OIT3: variants seen among roughly 807,000 people sequenced by gnomAD.
The protein encoded by OIT3 is oncoprotein induced transcript 3.
OIT3 carries 41 observed loss-of-function variants against 52.2 expected under a neutral mutation model. That is an observed-to-expected ratio of 0.79 (90% CI 0.61 to 1.02). OIT3 has a LOEUF of 1.02. Among genes scored for constraint, OIT3 ranks in the 50% least tolerant of loss-of-function variants. The pLI, the probability that OIT3 is intolerant of heterozygous loss-of-function variation, is 0.00. For synonymous variants in OIT3, 244 were observed against 276.9 expected (o/e 0.88, Z 1.18); for missense variants, 634 against 715.5 (o/e 0.89, Z 1.30).
intron 6 of OIT3, among the ~76,000 whole-genome samples, chr10:72,917,432 A>G (rs1197225124): frequency 6.6e-6 from 1 of 152,136 alleles, no homozygotes; most frequent in Non-Finnish European, 1.5e-5. Flanking sequence ...ACATACTTAA[A>G]CCAAAGCAAA....
intron 5 of OIT3, 77 bp downstream of exon 5, chr10:72,911,916 C>T (rs1846031937): frequency 7.3e-7 from 1 of 1,363,446 alleles, no homozygotes; most frequent in Non-Finnish European, 1.0e-6. Flanking sequence ...GTCTTCCTCC[C>T]CCAAGTGTGT....
chr10:72,910,871 G>C (rs1429157755), intron 4 of OIT3, among the ~76,000 whole-genome samples: 2 of 152,154 alleles, frequency 1.3e-5, no homozygotes, highest in East Asian at 3.8e-4. Context: ...AGCCATGAAG[G>C]TAAATGAATG....
rs886865179 is a variant in OIT3, at chr10:72,932,540, C to G, written c.*16C>G. The G allele has an allele frequency of 1.3e-6, 2 of 1,577,536 alleles. No homozygotes were observed. The highest frequency in any genetic ancestry group is 1.7e-6 in the Non-Finnish European group (2 of 1,161,824). On this transcript the variant is annotated 3_prime_UTR_variant, in exon 9 of 9. Coordinates refer to ENST00000334011, the MANE Select transcript of OIT3 (RefSeq NM_152635.3). ...GGAGGACTAGTTCGTAGCCATACCT[C>G]GAGTCCCTGCATTGGACGGCTCTGC...
intron 6 of OIT3, among the ~76,000 whole-genome samples, chr10:72,914,987 T>G (rs893282504): frequency 6.6e-6 from 1 of 152,104 alleles, no homozygotes; most frequent in African/African-American, 2.4e-5. Context: ...TGCCTCAGCC[T>G]CCCAAGTAGC....
At chr10:72,925,089 T>A (rs1235781296) in intron 7 of OIT3, among the ~76,000 whole-genome samples, 1 of 124,140 alleles carries the variant, frequency 8.1e-6, no homozygotes, top group African/African-American at 3.3e-5. Context: ...CCAGCCTGGG[T>A]GACAAGAATG....
At chr10:72,922,004 A>G (rs1012140030) in intron 6 of OIT3, among the ~76,000 whole-genome samples, 5 of 152,100 alleles carry the variant, frequency 3.3e-5, no homozygotes, top group African/African-American at 1.2e-4. Context: ...AATGTTGAAT[A>G]TTGGCCCCCA....
At chr10:72,894,495 C>A (rs1845856481) in intron 1 of OIT3, among the ~76,000 whole-genome samples, 1 of 152,132 alleles carries the variant, frequency 6.6e-6, no homozygotes, top group South Asian at 2.1e-4. Flanking sequence ...AGAGAACCAT[C>A]CTTCTTGACA....
chr10:72,918,370 C>T (rs905266379), intron 6 of OIT3: 18 of 769,410 alleles, frequency 2.3e-5, no homozygotes, highest in African/African-American at 2.2e-4. Context: ...ATGTGCAATT[C>T]GTCCTTTGCA....
In OIT3 at chr10:72,932,678, T is replaced by C. The variant is rs1197338747; in HGVS notation, c.*154T>C. On this transcript the variant is annotated 3_prime_UTR_variant, in exon 9 of 9. Transcript: ENST00000334011. Reference sequence around the variant, plus strand: ...ACCAACTCACTCTGATTCTGGTCCATTCAGTGGGCACAGGTCACAGCACTG... The same window carrying C: ...ACCAACTCACTCTGATTCTGGTCCACTCAGTGGGCACAGGTCACAGCACTG... 18 of 650,084 alleles carry C rather than the reference T, an allele frequency of 2.8e-5. No homozygotes were observed. The highest frequency in any genetic ancestry group is 2.0e-4 in the African/African-American group (11 of 54,520). The allele number at this position is 650,084 out of a possible 1,614,324, so 40.3% of individuals were successfully genotyped here. A position where few individuals can be genotyped will look rare whatever the true frequency, so the allele number is the denominator to read the frequency against.
intron 3 of OIT3, among the ~76,000 whole-genome samples, chr10:72,902,474 A>C (rs1402236800): frequency 6.6e-6 from 1 of 152,152 alleles, no homozygotes; most frequent in Non-Finnish European, 1.5e-5. Flanking sequence ...TTATTTTCTT[A>C]TATGTGCTTC....
chr10:72,893,908 A>G (rs1260199831), intron 1 of OIT3, 49 bp downstream of exon 1: 10 of 1,388,938 alleles, frequency 7.2e-6, no homozygotes, highest in Middle Eastern at 3.6e-4. Flanking sequence ...TGTTGTGGCA[A>G]TTTGCTATAA....
chr10:72,896,807 G>T (rs1165504924), intron 1 of OIT3, among the ~76,000 whole-genome samples: 4 of 152,100 alleles, frequency 2.6e-5, no homozygotes, highest in African/African-American at 9.7e-5. Context: ...TATGATATCA[G>T]TTACGTAAGT....
intron 3 of OIT3, among the ~76,000 whole-genome samples, chr10:72,904,343 G>T (rs1845960348): frequency 6.6e-6 from 1 of 152,090 alleles, no homozygotes; most frequent in South Asian, 2.1e-4. Flanking sequence ...GAGGGGTTTT[G>T]TCTGCGGCTT....
In OIT3 at chr10:72,932,758, G is replaced by A. The variant is rs572075123; in HGVS notation, c.*234G>A. Reference sequence around the variant, plus strand: ...TCTTTCTAGGGTTGAAAACTAAACTGTCCACCCAGAAAGACACTCACCCCA... The same window carrying A: ...TCTTTCTAGGGTTGAAAACTAAACTATCCACCCAGAAAGACACTCACCCCA... On this transcript the variant is annotated 3_prime_UTR_variant, in exon 9 of 9. Coordinates refer to ENST00000334011, the MANE Select transcript of OIT3 (RefSeq NM_152635.3). 73 of 421,828 alleles carry A rather than the reference G, an allele frequency of 1.7e-4. No homozygotes were observed. Among genetic ancestry groups the A allele is most frequent in the South Asian group, 1.1e-3 (16 of 14,666 alleles). The allele number at this position is 421,828 out of a possible 1,614,324, so 26.1% of individuals were successfully genotyped here. A position where few individuals can be genotyped will look rare whatever the true frequency, so the allele number is the denominator to read the frequency against.
intron 1 of OIT3, among the ~76,000 whole-genome samples, chr10:72,895,003 A>T (rs967040053): frequency 1.3e-5 from 2 of 152,212 alleles, no homozygotes; most frequent in Non-Finnish European, 2.9e-5. Context: ...AGGGAATCTG[A>T]ATAAGTGTGG....
In OIT3 at chr10:72,921,675, C is replaced by CT. The variant is rs34710217; in HGVS notation, c.952-2537dup. On this transcript the variant is annotated intron_variant, in intron 6 of 8. Coordinates refer to ENST00000334011, the MANE Select transcript of OIT3 (RefSeq NM_152635.3). Reference sequence around the variant, plus strand: ...GAAAATTCTTTTCTTTTCTTTCTTTCTTTTTTTTTTTTTTTTTAAGACAGT... The same window carrying CT: ...GAAAATTCTTTTCTTTTCTTTCTTTCTTTTTTTTTTTTTTTTTTAAGACAGT... 4.4e-3 allele frequency among the ~76,000 whole-genome samples: 593 copies of CT among 133,358 alleles called. 1 individual carries two copies. Among genetic ancestry groups the CT allele is most frequent in the Middle Eastern group, 0.016 (4 of 246 alleles). The allele number at this position is 133,358 out of a possible 152,430, so 87.5% of individuals were successfully genotyped here.
intron 1 of OIT3, 63 bp downstream of exon 1, chr10:72,893,922 A>G: frequency 8.2e-7 from 1 of 1,214,484 alleles, no homozygotes; most frequent in South Asian, 1.4e-5. Flanking sequence ...GCTATAATGT[A>G]CAGATGATTA....
At chr10:72,905,464 C>T (rs1845970035) in intron 3 of OIT3, among the ~76,000 whole-genome samples, 1 of 150,578 alleles carries the variant, frequency 6.6e-6, no homozygotes, top group Non-Finnish European at 1.5e-5. Flanking sequence ...GAGGCTCCGT[C>T]TCAAAAAAAA....
chr10:72,922,643 C>T (rs1055848602), intron 6 of OIT3, among the ~76,000 whole-genome samples: 6 of 152,018 alleles, frequency 3.9e-5, no homozygotes, highest in East Asian at 1.9e-4. Context: ...TTTAGCTCAG[C>T]GAAGTTCGTT....
Sources: allele counts gnomAD v4.1 joint callset (sites outside exome capture counted in the v4.1 genomes callset), GRCh38; gene constraint gnomAD v4.1.1; transcripts MANE v1.5; gene names NCBI Gene and HGNC (gene_info 2026-07-23, HGNC 2026-07-21).